Variants in IFT88 observed in about 807,000 individuals in gnomAD.
IFT88 encodes the protein intraflagellar transport protein 88 homolog.
Under a neutral mutation model 119.5 loss-of-function variants are expected in IFT88, and 74 were observed. The ratio of observed to expected loss-of-function variants is 0.62; its 90% CI spans 0.51 to 0.75. The LOEUF is 0.75. Among genes scored for constraint, IFT88 ranks in the 30% least tolerant of loss-of-function variants. The pLI is 0.00. For synonymous variants in IFT88, 279 were observed against 316.7 expected, an observed-to-expected ratio of 0.88 and a Z score of 1.26; for missense variants, 961 against 977.7, an observed-to-expected ratio of 0.98 and a Z score of 0.23.
At chr13:20,672,722 GACATATTAATTCAGTGAAACAT>G (rs2056091136) in intron 24 of IFT88, among the ~76,000 whole-genome samples, 1 of 152,158 alleles carries the variant, frequency 6.6e-6, no homozygotes, top group African/African-American at 2.4e-5. Context: ...GAGCACCTCA[GACATATTAATTCAGTGAAACAT>G]GAATATTCAC....
intron 11 of IFT88, among the ~76,000 whole-genome samples, chr13:20,601,080 A>T (rs566680155): frequency 6.6e-6 from 1 of 152,272 alleles, no homozygotes; most frequent in South Asian, 2.1e-4. Context: ...AAAATAGACT[A>T]ATGGGCCGGG....
intron 1 of IFT88, among the ~76,000 whole-genome samples, chr13:20,572,495 A>C (rs1336180382): frequency 6.6e-6 from 1 of 152,200 alleles, no homozygotes; most frequent in Non-Finnish European, 1.5e-5. Context: ...CTGAAATTAC[A>C]GGCATGAGCT....
At chr13:20,578,085 C>A (rs575247774) in intron 2 of IFT88, among the ~76,000 whole-genome samples, 13 of 123,950 alleles carry the variant, frequency 1.0e-4, no homozygotes, top group African/African-American at 4.0e-4. Context: ...CACTCTGTAG[C>A]CCAGGCTGGA....
chr13:20,604,762 C>CTGG (rs1224602971), intron 12 of IFT88, among the ~76,000 whole-genome samples: 1 of 152,112 alleles, frequency 6.6e-6, no homozygotes, highest in Non-Finnish European at 1.5e-5. Context: ...GAAGACCAGC[C>CTGG]TGGGCAAAAT....
At chr13:20,675,160 T>C (rs973884939) in intron 24 of IFT88, among the ~76,000 whole-genome samples, 6 of 151,952 alleles carry the variant, frequency 3.9e-5, no homozygotes, top group Non-Finnish European at 5.9e-5. Flanking sequence ...GAGTGTACGC[T>C]CTGAGGAGGT....
intron 23 of IFT88, among the ~76,000 whole-genome samples, chr13:20,668,719 A>G (rs754080416): frequency 6.6e-6 from 1 of 152,126 alleles, no homozygotes; most frequent in Non-Finnish European, 1.5e-5. Flanking sequence ...GGGGACACAC[A>G]GGGGGTCTCC....
rs1035532339 is a variant in IFT88 at position 20,586,755 on chromosome 13, A to G, written c.154-3056A>G. Among the ~76,000 whole-genome samples, 9 of 152,222 alleles carry G rather than the reference A, an allele frequency of 5.9e-5. No homozygotes were observed. In the East Asian group the frequency reaches 1.3e-3, roughly 23 times the overall value. On this transcript the variant is annotated intron_variant, in intron 3 of 25. Transcript: ENST00000351808. ...AGTTTTTTCTTAAGACCTGGAGCCAATCTTATCAAGCATGAGTTTAAGCCC... is the reference window on the plus strand; with the variant it reads ...AGTTTTTTCTTAAGACCTGGAGCCAGTCTTATCAAGCATGAGTTTAAGCCC...
intron 20 of IFT88, among the ~76,000 whole-genome samples, chr13:20,648,351 G>A (rs754645590): frequency 9.9e-5 from 15 of 152,064 alleles, no homozygotes; most frequent in Non-Finnish European, 2.1e-4. Context: ...AGCAGAGATC[G>A]CACCACTGCA....
chr13:20,637,170 C>T (rs1247437644), intron 16 of IFT88, among the ~76,000 whole-genome samples: 2 of 152,046 alleles, frequency 1.3e-5, no homozygotes, highest in Non-Finnish European at 2.9e-5. Flanking sequence ...TTGATGGGTA[C>T]AGGGTTTCTT....
At chr13:20,571,825 G>A (rs2036416780) in intron 1 of IFT88, among the ~76,000 whole-genome samples, 1 of 152,140 alleles carries the variant, frequency 6.6e-6, no homozygotes, top group Non-Finnish European at 1.5e-5. Flanking sequence ...AGTTATCTCA[G>A]CAGCTATAAA....
chr13:20,615,818 A>G lies in IFT88; in HGVS notation c.1138A>G (p.Met380Val). 1 of 1,604,194 alleles carries G rather than the reference A, an allele frequency of 6.2e-7. No individual in the cohort carries two copies. The highest frequency in any genetic ancestry group is 1.1e-5 in the South Asian group (1 of 89,016). The change falls in exon 14 of 26, where the codon ATG becomes GTG. Residue 380 changes from methionine (M) to valine (V), a missense_variant. Met to Val is a conservative substitution (Grantham distance 21). Coordinates refer to ENST00000351808, the MANE Select transcript of IFT88 (RefSeq NM_006531.5). ...ERKAMAEKYI[M>V]TSAKLIAPVI... ...GAAAGCCATGGCAGAAAAATATATT[A>G]TGACATCTGCAAAACTCATTGCTCC...
chr13:20,608,062 G>A (rs2043819461), intron 13 of IFT88: 12 of 530,438 alleles, frequency 2.3e-5, no homozygotes, highest in South Asian at 1.9e-4. Context: ...CCAGCACGGG[G>A]ACTATCATGG....
At chr13:20,613,802 T>C (rs1336697095) in intron 13 of IFT88, among the ~76,000 whole-genome samples, 3 of 152,030 alleles carry the variant, frequency 2.0e-5, no homozygotes, top group Non-Finnish European at 4.4e-5. Context: ...GTAATTGCGA[T>C]TTTTCCCATT....
intron 16 of IFT88, among the ~76,000 whole-genome samples, chr13:20,636,149 C>T (rs2048997138): frequency 6.6e-6 from 1 of 152,184 alleles, no homozygotes; most frequent in African/African-American, 2.4e-5. Flanking sequence ...CAGACCCCTT[C>T]CCACTAGGTG....
At chr13:20,670,835 T>TTTTTAA in intron 23 of IFT88, 138 bp from the exon 24 acceptor site, 1 of 509,208 alleles carries the variant, frequency 2.0e-6, no homozygotes, top group Non-Finnish European at 3.2e-6. Flanking sequence ...TTTTTTTTTC[T>TTTTTAA]ATAGAATCAA....
At chr13:20,614,199 G>C (rs185030336) in intron 13 of IFT88, among the ~76,000 whole-genome samples, 27 of 152,262 alleles carry the variant, frequency 1.8e-4, no homozygotes, top group Middle Eastern at 6.8e-3. Flanking sequence ...AAGGCTGCAA[G>C]GTTGCTTCAT....
In IFT88 at chr13:20,691,158, G is replaced by T. The variant is rs532025198; in HGVS notation, c.2458G>T (p.Asp820Tyr). 10 of 1,613,194 alleles carry T rather than the reference G, an allele frequency of 6.2e-6. No homozygotes were observed. The highest frequency in any genetic ancestry group is 8.5e-6 in the Non-Finnish European group (10 of 1,179,476). Residue 820 changes from aspartate (D) to tyrosine (Y), a missense_variant, in exon 26 of 26, where the codon GAT becomes TAT. By Grantham distance (160) the Asp-to-Tyr change is radical. Transcript: ENST00000351808. ...TTTTGCTGATGAAGAATTAGGAGAT[G>T]ATTTGCTTCCAGAATAATATTCACT... Reference protein sequence around the residue: ...DDFADEELGDDLLPE With the variant: ...DDFADEELGDYLLPE
chr13:20,640,521 C>T (rs1211547482), intron 17 of IFT88, among the ~76,000 whole-genome samples: 2 of 151,504 alleles, frequency 1.3e-5, no homozygotes, highest in Admixed American at 6.6e-5. Flanking sequence ...TGCAGTGAGC[C>T]GAGATTGTGC....
intron 24 of IFT88, among the ~76,000 whole-genome samples, chr13:20,672,388 C>G (rs373512905): frequency 1.3e-5 from 2 of 152,270 alleles, no homozygotes; most frequent in African/African-American, 4.8e-5. Context: ...GAGCCCAAGC[C>G]TCAAGAGTAC....
Sources: allele counts gnomAD v4.1 joint callset (sites outside exome capture counted in the v4.1 genomes callset), GRCh38; gene constraint gnomAD v4.1.1; transcripts MANE v1.5; gene names NCBI Gene and HGNC (gene_info 2026-07-23, HGNC 2026-07-21).